Variants in UBE2L3 observed in about 807,000 individuals in gnomAD.
UBE2L3 encodes the protein ubiquitin-conjugating enzyme E2 L3.
Under a neutral mutation model 17.8 loss-of-function variants are expected in UBE2L3, and 1 was observed. That is an observed-to-expected ratio of 0.06 (90% CI 0.02 to 0.27). The LOEUF (loss-of-function observed/expected upper bound fraction) is 0.27. UBE2L3 is among the 10% of genes least tolerant of loss of function. The pLI, the probability that UBE2L3 is intolerant of heterozygous loss-of-function variation, is 1.00. For synonymous variants in UBE2L3, 44 were observed against 68.5 expected (o/e 0.64, Z 1.76); for missense variants, 40 against 192.6 (o/e 0.21, Z 4.69).
chr22:21,577,024 A>AGTG (rs1336559535), intron 1 of UBE2L3, among the ~76,000 whole-genome samples: 1 of 146,682 alleles, frequency 6.8e-6, no homozygotes, highest in Non-Finnish European at 1.5e-5. Flanking sequence ...GCTGGAGTGC[A>AGTG]GTGGTACAGT....
At chr22:21,567,574 C>T, upstream of UBE2L3, 1 of 1,423,936 alleles carries the variant, frequency 7.0e-7, no homozygotes, top group Non-Finnish European at 9.3e-7. Context: ...CTGTGCGGTT[C>T]ACTTGCGTTC....
Position 21,621,827 on chromosome 22 carries a change from G to A in UBE2L3, c.*158G>A. On this transcript the variant is annotated 3_prime_UTR_variant, in exon 4 of 4. Coordinates refer to ENST00000342192, the MANE Select transcript of UBE2L3 (RefSeq NM_003347.4). ...TTCTACAGTTTTCTTAATCAAAAGT[G>A]GTCTAGGTAACCTGTAAAGAAAGGA... is the stretch of plus-strand genomic sequence containing the variant. 1.7e-6 allele frequency: 1 copy of A among 592,516 alleles called. No individual in the cohort carries two copies. Among genetic ancestry groups the A allele is most frequent in the Non-Finnish European group, 2.9e-6 (1 of 341,730 alleles). 36.7% of individuals were successfully genotyped at this position (592,516 alleles called of 1,614,324 possible).
At chr22:21,573,759 T>C (rs1474029825) in intron 1 of UBE2L3, among the ~76,000 whole-genome samples, 1 of 152,208 alleles carries the variant, frequency 6.6e-6, no homozygotes, top group African/African-American at 2.4e-5. Flanking sequence ...TACTCCCCAG[T>C]GCTGCTTGCG....
intron 1 of UBE2L3, among the ~76,000 whole-genome samples, chr22:21,558,555 C>T (rs1450555132): frequency 1.3e-5 from 2 of 149,128 alleles, no homozygotes; most frequent in African/African-American, 2.5e-5. Context: ...GGCGTGAACC[C>T]GGGAGGCAGA....
intron 3 of UBE2L3, among the ~76,000 whole-genome samples, chr22:21,611,924 G>A (rs1929500188): frequency 6.6e-6 from 1 of 152,166 alleles, no homozygotes; most frequent in African/African-American, 2.4e-5. Context: ...TAGGGTAGGG[G>A]CTCATGGGTC....
upstream of UBE2L3, among the ~76,000 whole-genome samples, chr22:21,563,519 G>A (rs950935202): frequency 2.8e-5 from 4 of 144,832 alleles, no homozygotes; most frequent in African/African-American, 7.7e-5. Flanking sequence ...CCGAGATCGC[G>A]CCACAGCACT....
intron 3 of UBE2L3, among the ~76,000 whole-genome samples, chr22:21,615,746 G>C (rs56044238): frequency 6.6e-6 from 1 of 152,026 alleles, no homozygotes. Context: ...AGATGTGTGC[G>C]TGTGCAGAGC....
At chr22:21,567,665 C>T, upstream of UBE2L3, 2 of 1,549,534 alleles carry the variant, frequency 1.3e-6, no homozygotes, top group Non-Finnish European at 1.7e-6. Flanking sequence ...CGGCCCCTCC[C>T]CCGCTCCAGG....
intron 1 of UBE2L3, among the ~76,000 whole-genome samples, chr22:21,577,870 T>C (rs1927400928): frequency 6.6e-6 from 1 of 152,170 alleles, no homozygotes; most frequent in African/African-American, 2.4e-5. Context: ...AGCAGGCACA[T>C]CTGCAACCAA....
chr22:21,589,916 A>T (rs1278901668), intron 1 of UBE2L3, among the ~76,000 whole-genome samples: 1 of 152,134 alleles, frequency 6.6e-6, no homozygotes, highest in Non-Finnish European at 1.5e-5. Context: ...TAGCATCCTC[A>T]GGGTTGCCCA....
At chr22:21,567,699 G>A (rs1926703028), upstream of UBE2L3, 4 of 1,563,138 alleles carry the variant, frequency 2.6e-6, no homozygotes, top group East Asian at 2.3e-5. Context: ...CCAGCCGCCC[G>A]GCCGGCCGCG....
chr22:21,558,801 A>C (rs1231811996), intron 1 of UBE2L3, among the ~76,000 whole-genome samples: 1 of 152,058 alleles, frequency 6.6e-6, no homozygotes, highest in Non-Finnish European at 1.5e-5. Context: ...CATATTTTTT[A>C]TTTTTGTTTC....
At chr22:21,563,717 T>C (rs569764213), upstream of UBE2L3, among the ~76,000 whole-genome samples, 21 of 148,998 alleles carry the variant, frequency 1.4e-4, no homozygotes, top group African/African-American at 5.2e-4. Flanking sequence ...GCTGGGACTA[T>C]AGGCACCCTC....
At chr22:21,583,670 C>T (rs1214242565) in intron 1 of UBE2L3, among the ~76,000 whole-genome samples, 1 of 152,138 alleles carries the variant, frequency 6.6e-6, no homozygotes, top group Non-Finnish European at 1.5e-5. Context: ...CACTGGCAGC[C>T]CTGTCTGCCC....
intron 2 of UBE2L3, among the ~76,000 whole-genome samples, chr22:21,603,280 C>T (rs542902973): frequency 1.9e-3 from 284 of 152,226 alleles, no homozygotes; most frequent in African/African-American, 6.7e-3. Context: ...GTAATCCCAG[C>T]ACTTTGGAAG....
intron 3 of UBE2L3, among the ~76,000 whole-genome samples, chr22:21,614,208 C>G (rs1929648780): frequency 6.6e-6 from 1 of 152,222 alleles, no homozygotes; most frequent in Non-Finnish European, 1.5e-5. Context: ...TATTTCCTGA[C>G]TGCTGTTCAG....
intron 3 of UBE2L3, 21 bp from the exon 4 acceptor site, chr22:21,621,494 G>A (rs766987281): frequency 6.3e-7 from 1 of 1,596,830 alleles, no homozygotes; most frequent in East Asian, 2.3e-5. Flanking sequence ...AACCCCCCAT[G>A]CCTTGTCCTT....
At chr22:21,612,576 C>T (rs372219234) in intron 3 of UBE2L3, among the ~76,000 whole-genome samples, 67 of 147,434 alleles carry the variant, frequency 4.5e-4, no homozygotes, top group African/African-American at 1.7e-3. Flanking sequence ...CCGCCCGCCT[C>T]GGCCTCCCAA....
intron 1 of UBE2L3, among the ~76,000 whole-genome samples, chr22:21,582,715 G>T (rs1486158102): frequency 6.6e-6 from 1 of 152,006 alleles, no homozygotes; most frequent in Non-Finnish European, 1.5e-5. Context: ...TAGTAGAGAC[G>T]AGGTTTCACC....
Sources: gnomAD v4.1 joint callset for allele counts (sites outside exome capture counted in the v4.1 genomes callset) on GRCh38, gnomAD v4.1.1 for gene constraint, MANE v1.5 for transcripts, NCBI Gene and HGNC (gene_info 2026-07-23, HGNC 2026-07-21) for gene names.